The following CNTN3 variants were observed in gnomAD, a reference collection of about 807,000 sequenced individuals.
The protein encoded by CNTN3 is contactin-3.
CNTN3 carries 60 observed loss-of-function variants against 119.1 expected under a neutral mutation model. That is an observed-to-expected ratio of 0.50 (90% CI 0.41 to 0.62). The LOEUF (loss-of-function observed/expected upper bound fraction) is 0.62, where lower values mean the gene tolerates loss of function less well. Among genes scored for constraint, CNTN3 ranks in the 20% least tolerant of loss-of-function variants. CNTN3 has a pLI of 0.00. For synonymous variants in CNTN3, 450 were observed against 438.7 expected (o/e 1.03, Z -0.32); for missense variants, 1,101 against 1,242.4 (o/e 0.89, Z 1.71).
chr3:74,302,312 CT>C (rs1044603697), intron 14 of CNTN3, among the ~76,000 whole-genome samples: 2 of 152,108 alleles, frequency 1.3e-5, no homozygotes, highest in Non-Finnish European at 1.5e-5. Flanking sequence ...AATCCTGATA[CT>C]TTTTTTGTAT....
At chr3:74,511,199 C>CA (rs1378609297) in intron 2 of CNTN3, among the ~76,000 whole-genome samples, 7 of 151,916 alleles carry the variant, frequency 4.6e-5, no homozygotes, top group Non-Finnish European at 1.0e-4. Flanking sequence ...TTCTTACAAA[C>CA]AAAAAATCAA....
Position 74,614,472 on chromosome 3 carries a change from C to T in CNTN3, c.-162G>A, listed in dbSNP as rs1421862780. Among the ~76,000 whole-genome samples, 2 of 146,904 alleles carry T rather than the reference C, an allele frequency of 1.4e-5. No individual in the cohort carries two copies. The highest frequency in any genetic ancestry group is 3.0e-5 in the Non-Finnish European group (2 of 66,212). ...GCCGCCGCCGCCGCCGCCACCGCCG[C>T]CGCCGCAGTTAGTCCGGGCCCGGGG... On this transcript the variant is annotated 5_prime_UTR_variant, in exon 1 of 23. Transcript: ENST00000263665.
chr3:74,607,569 G>A (rs896414405), intron 1 of CNTN3, among the ~76,000 whole-genome samples: 13 of 152,234 alleles, frequency 8.5e-5, no homozygotes, highest in African/African-American at 2.9e-4. Context: ...CTTTTCAAAC[G>A]TAGCATGGGG....
At chr3:74,510,030 CATAT>C (rs1331242570) in intron 2 of CNTN3, among the ~76,000 whole-genome samples, 1 of 57,248 alleles carries the variant, frequency 1.7e-5, no homozygotes, top group East Asian at 2.7e-4. Flanking sequence ...CATATATATA[CATAT>C]ATATAAGTTT....
At chr3:74,334,309 G>A (rs895483265) in intron 13 of CNTN3, among the ~76,000 whole-genome samples, 1 of 152,158 alleles carries the variant, frequency 6.6e-6, no homozygotes, top group South Asian at 2.1e-4. Flanking sequence ...GTGCAATTGT[G>A]AGGATTAACA....
chr3:74,515,595 T>C (rs1703437034), intron 2 of CNTN3, among the ~76,000 whole-genome samples: 7 of 152,032 alleles, frequency 4.6e-5, no homozygotes, highest in Admixed American at 4.6e-4. Flanking sequence ...AAGAGCAGTG[T>C]ACAGTCTTCA....
intron 20 of CNTN3, among the ~76,000 whole-genome samples, chr3:74,281,470 G>C (rs770168811): frequency 2.6e-4 from 39 of 152,140 alleles, no homozygotes; most frequent in Non-Finnish European, 4.1e-4. Context: ...GAGTAGCTGG[G>C]AGTACAGGCA....
At chr3:74,432,065 A>G (rs1338941000) in intron 4 of CNTN3, among the ~76,000 whole-genome samples, 2 of 151,992 alleles carry the variant, frequency 1.3e-5, no homozygotes, top group Admixed American at 6.6e-5. Context: ...AACGTCTTTA[A>G]TGTTTAATGT....
chr3:74,267,554 T>A, intron 20 of CNTN3, 176 bp from the exon 21 acceptor site: 3 of 504,340 alleles, frequency 5.9e-6, no homozygotes, highest in Non-Finnish European at 1.1e-5. Flanking sequence ...TTTCCTTTTT[T>A]TAGAAAGGCA....
chr3:74,506,948 T>C (rs1703272450), intron 2 of CNTN3, among the ~76,000 whole-genome samples: 1 of 152,218 alleles, frequency 6.6e-6, no homozygotes, highest in African/African-American at 2.4e-5. Flanking sequence ...TCTAACAGTT[T>C]CTATTCTTTA....
chr3:74,452,056 T>G (rs1339727517), intron 4 of CNTN3, among the ~76,000 whole-genome samples: 2 of 146,994 alleles, frequency 1.4e-5, no homozygotes, highest in African/African-American at 5.1e-5. Flanking sequence ...GTGAAGAAAG[T>G]CATTGGTAGC....
intron 4 of CNTN3, among the ~76,000 whole-genome samples, chr3:74,470,215 C>T (rs1702535037): frequency 1.3e-5 from 2 of 151,958 alleles, no homozygotes. Context: ...GGCTAATGGG[C>T]ATGGTTTCTT....
chr3:74,381,506 T>C (rs1456312347), intron 5 of CNTN3, among the ~76,000 whole-genome samples: 2 of 152,162 alleles, frequency 1.3e-5, no homozygotes, highest in African/African-American at 4.8e-5. Flanking sequence ...GGAGACTTCA[T>C]AGCTGCTTCA....
At chr3:74,594,741 G>C (rs1384862797) in intron 1 of CNTN3, among the ~76,000 whole-genome samples, 4 of 152,012 alleles carry the variant, frequency 2.6e-5, no homozygotes, top group Admixed American at 2.0e-4. Flanking sequence ...ATTGTGAATA[G>C]TGCCGCAATA....
chr3:74,314,702 G>T (rs1424533756), intron 13 of CNTN3, among the ~76,000 whole-genome samples: 2 of 152,136 alleles, frequency 1.3e-5, no homozygotes, highest in East Asian at 3.9e-4. Context: ...TATCATATTT[G>T]GAGACTTCAA....
rs577158907 is a variant in CNTN3 at position 74,264,252 on chromosome 3, G to GT, written c.*148dup. On this transcript the variant is annotated 3_prime_UTR_variant, in exon 23 of 23. Coordinates refer to ENST00000263665, the MANE Select transcript of CNTN3 (RefSeq NM_020872.3). ...TCAGATTCCCCTAAAAGGATTTACTGTTTTTTTAATTATATTCATATTTAC... is the reference window on the plus strand; with the variant it reads ...TCAGATTCCCCTAAAAGGATTTACTGTTTTTTTTAATTATATTCATATTTAC... 1.4e-5 allele frequency: 6 copies of GT among 435,334 alleles called. No individual in the cohort carries two copies. The highest frequency in any genetic ancestry group is 2.0e-5 in the African/African-American group (1 of 48,794). 27.0% of individuals were successfully genotyped at this position (435,334 alleles called of 1,614,324 possible).
At chr3:74,395,207 T>A (rs1217788219) in intron 5 of CNTN3, among the ~76,000 whole-genome samples, 1 of 152,148 alleles carries the variant, frequency 6.6e-6, no homozygotes, top group African/African-American at 2.4e-5. Context: ...GAGTACAGGA[T>A]GATACAAGAG....
rs144342958 is a variant in CNTN3, at chr3:74,522,499, G to C, written c.-80-1307C>G. The stretch of plus-strand genomic sequence containing the variant: ...CACAAATAAGACAAAATGAATTCAA[G>C]TGCAAGTAATTTACTTGGGAAGTGA... On this transcript the variant is annotated intron_variant, in intron 1 of 22. Transcript: ENST00000263665. Among the ~76,000 whole-genome samples, 581 of 152,020 alleles carry C rather than the reference G, an allele frequency of 3.8e-3. 2 individuals are homozygous for C. Among genetic ancestry groups the C allele is most frequent in the African/African-American group, 0.013 (521 of 41,512 alleles).
chr3:74,329,508 C>T lies in CNTN3; in HGVS notation c.1668+5227G>A, dbSNP rs78233105. The stretch of plus-strand genomic sequence containing the variant: ...AATACAGGGTGAACTAGTGTGTTTA[C>T]GTCCAAAAGTTTCTCTCTGTAGGGA... On this transcript the variant is annotated intron_variant, in intron 13 of 22. Transcript: ENST00000263665. 2.5e-3 allele frequency among the ~76,000 whole-genome samples: 381 copies of T among 152,228 alleles called. 1 individual carries two copies. The highest frequency in any genetic ancestry group is 8.6e-3 in the African/African-American group (358 of 41,550).
Sources: allele counts gnomAD v4.1 joint callset (sites outside exome capture counted in the v4.1 genomes callset), GRCh38; gene constraint gnomAD v4.1.1; transcripts MANE v1.5; gene names NCBI Gene and HGNC (gene_info 2026-07-23, HGNC 2026-07-21).